Variants in SLC7A2 observed in about 807,000 individuals in gnomAD.
SLC7A2 encodes the protein cationic amino acid transporter 2.
Under a neutral mutation model 58.9 loss-of-function variants are expected in SLC7A2, and 48 were observed. The observed-to-expected ratio is 0.82, with a 90% CI of 0.65 to 1.04. The LOEUF (loss-of-function observed/expected upper bound fraction) is 1.04. Ranked by LOEUF, SLC7A2 falls within the 50% of genes least tolerant of loss-of-function variation. The pLI, the probability that SLC7A2 is intolerant of heterozygous loss-of-function variation, is 0.00. For synonymous variants in SLC7A2, 363 were observed against 314.5 expected (o/e 1.15, Z -1.63); for missense variants, 1,029 against 818.8 (o/e 1.26, Z -3.13).
intron 2 of SLC7A2, among the ~76,000 whole-genome samples, chr8:17,505,143 G>C (rs1477441992): frequency 7.5e-6 from 1 of 134,088 alleles, no homozygotes; most frequent in Non-Finnish European, 1.5e-5. Context: ...ATGCACATCT[G>C]TATGTAAACT....
At chr8:17,549,877 G>A (rs1231926486) in intron 5 of SLC7A2, among the ~76,000 whole-genome samples, 6 of 152,114 alleles carry the variant, frequency 3.9e-5, no homozygotes, top group Non-Finnish European at 7.4e-5. Context: ...GTCTTCTTAG[G>A]GAATGTTAGA....
At position 17,560,387 on chromosome 8, in the gene SLC7A2, G is replaced by A; in HGVS notation, c.1358G>A (p.Gly453Glu). 1 of 1,614,152 alleles carries A rather than the reference G, an allele frequency of 6.2e-7. No homozygotes were observed. Among genetic ancestry groups the A allele is most frequent in the Non-Finnish European group, 8.5e-7 (1 of 1,180,016 alleles). ...TGTTCTCCTGAGAAAGATGGTCTGG[G>A]ATCGTCTCCCAGGGTAACCTCGAAG... is the stretch of plus-strand genomic sequence containing the variant. ...PKCSPEKDGL[G>E]SSPRVTSKSE... The change falls in exon 10 of 13, where the codon GGA becomes GAA. Residue 453 changes from glycine (G) to glutamate (E), a missense_variant. Physicochemically the swap from Gly to Glu is moderately conservative, Grantham distance 98. Coordinates refer to ENST00000494857, the MANE Select transcript of SLC7A2 (RefSeq NM_001370338.1).
chr8:17,536,197 C>G (rs1801658354), intron 2 of SLC7A2, among the ~76,000 whole-genome samples: 1 of 152,038 alleles, frequency 6.6e-6, no homozygotes, highest in African/African-American at 2.4e-5. Flanking sequence ...TTACATGCTC[C>G]TCATTCCAAC....
chr8:17,543,942 C>T (rs1233232450), intron 3 of SLC7A2, among the ~76,000 whole-genome samples: 1 of 152,150 alleles, frequency 6.6e-6, no homozygotes, highest in African/African-American at 2.4e-5. Context: ...GATCTCAGCT[C>T]GCTGCAACCT....
intron 1 of SLC7A2, chr8:17,499,297 CCT>C (rs1024925357): frequency 2.0e-5 from 3 of 150,558 alleles, no homozygotes; most frequent in Non-Finnish European, 3.0e-5. Flanking sequence ...CCTCTTTCCC[CCT>C]CTTTCCCTCC....
intron 9 of SLC7A2, among the ~76,000 whole-genome samples, chr8:17,559,393 G>T (rs1002147219): frequency 6.6e-6 from 1 of 152,124 alleles, no homozygotes; most frequent in Non-Finnish European, 1.5e-5. Context: ...GGAAGGAGAA[G>T]TGCTGAGCAA....
intron 4 of SLC7A2, among the ~76,000 whole-genome samples, chr8:17,548,357 G>T (rs80279525): frequency 0.032 from 4,874 of 152,182 alleles, 128 homozygotes; most frequent in South Asian, 0.069. Context: ...AGAAAAAATA[G>T]TTTGCAACCA....
intron 2 of SLC7A2, among the ~76,000 whole-genome samples, chr8:17,505,981 A>T (rs925728487): frequency 2.6e-5 from 4 of 152,266 alleles, no homozygotes; most frequent in Non-Finnish European, 5.9e-5. Context: ...AGACGAAGTG[A>T]GGAATTTTAA....
At chr8:17,508,359 T>C (rs555934468) in intron 2 of SLC7A2, among the ~76,000 whole-genome samples, 1 of 152,306 alleles carries the variant, frequency 6.6e-6, no homozygotes, top group Non-Finnish European at 1.5e-5. Context: ...TTATAAATTA[T>C]GTAAAATATT....
chr8:17,559,355 C>A (rs1006793696), intron 9 of SLC7A2, among the ~76,000 whole-genome samples: 5 of 152,138 alleles, frequency 3.3e-5, no homozygotes, highest in African/African-American at 1.2e-4. Context: ...GAAGGGGAAG[C>A]AAACATGTCC....
intron 2 of SLC7A2, among the ~76,000 whole-genome samples, chr8:17,522,338 CT>C (rs1801048053): frequency 6.6e-6 from 1 of 152,116 alleles, no homozygotes; most frequent in African/African-American, 2.4e-5. Flanking sequence ...CACTAGGTCC[CT>C]CCCACAACAC....
At position 17,515,337 on chromosome 8, in the gene SLC7A2, C is replaced by T. The variant is rs964590704; in HGVS notation, c.-23+13035C>T. ...TTTAAGATGGAGTCTTGCCCTGTCT[C>T]CAGACTGGAGTGCAGTGTCGCAATC... On this transcript the variant is annotated intron_variant, in intron 2 of 12. Coordinates refer to ENST00000494857, the MANE Select transcript of SLC7A2 (RefSeq NM_001370338.1). 3.1e-4 allele frequency among the ~76,000 whole-genome samples: 47 copies of T among 150,952 alleles called. 1 individual carries two copies. The highest frequency in any genetic ancestry group is 1.2e-4 in the Non-Finnish European group (8 of 67,900).
intron 2 of SLC7A2, among the ~76,000 whole-genome samples, chr8:17,519,462 G>A (rs980174995): frequency 1.3e-5 from 2 of 152,080 alleles, no homozygotes; most frequent in South Asian, 2.1e-4. Context: ...CTCTATCTTC[G>A]TCCATATTTC....
intron 5 of SLC7A2, among the ~76,000 whole-genome samples, chr8:17,549,905 A>C (rs959996786): frequency 6.6e-6 from 1 of 152,228 alleles, no homozygotes; most frequent in Non-Finnish European, 1.5e-5. Flanking sequence ...ACTCTGCCTT[A>C]CTCGATGCTT....
At chr8:17,532,104 C>T (rs759801161) in intron 2 of SLC7A2, among the ~76,000 whole-genome samples, 3 of 151,542 alleles carry the variant, frequency 2.0e-5, no homozygotes, top group Non-Finnish European at 4.4e-5. Flanking sequence ...GGTGGCGGTG[C>T]CTGTAATCCC....
chr8:17,563,786 C>T (rs1322768764), intron 12 of SLC7A2, 75 bp downstream of exon 12: 4 of 862,716 alleles, frequency 4.6e-6, no homozygotes, highest in East Asian at 2.5e-5. Flanking sequence ...CTCCCCCATC[C>T]TGGGAATAAA....
At chr8:17,556,515 C>A (rs907221346) in intron 8 of SLC7A2, among the ~76,000 whole-genome samples, 1 of 151,974 alleles carries the variant, frequency 6.6e-6, no homozygotes, top group Non-Finnish European at 1.5e-5. Context: ...CTTGTGTGGA[C>A]AACTTATCAT....
intron 8 of SLC7A2, 27 bp from the exon 9 acceptor site, chr8:17,558,267 CT>C: frequency 1.3e-6 from 2 of 1,492,376 alleles, no homozygotes; most frequent in Non-Finnish European, 1.9e-6. Context: ...GGGCCGTTTA[CT>C]TCACCGTTCT....
chr8:17,506,497 T>C (rs1350378221), intron 2 of SLC7A2, among the ~76,000 whole-genome samples: 2 of 152,178 alleles, frequency 1.3e-5, no homozygotes, highest in Non-Finnish European at 2.9e-5. Context: ...CACGTTCCTT[T>C]CTAGCCTCCC....
Sources: allele counts gnomAD v4.1 joint callset (sites outside exome capture counted in the v4.1 genomes callset), GRCh38; gene constraint gnomAD v4.1.1; transcripts MANE v1.5; gene names NCBI Gene and HGNC (gene_info 2026-07-23, HGNC 2026-07-21).